GPC6: variants seen among roughly 807,000 people sequenced by gnomAD.
GPC6 encodes the protein glypican-6.
Under a neutral mutation model 55.2 loss-of-function variants are expected in GPC6, and 14 were observed. That is an observed-to-expected ratio of 0.25 (90% CI 0.17 to 0.40). The LOEUF is 0.40. GPC6 is among the 10% of genes least tolerant of loss of function. The pLI, the probability that GPC6 is intolerant of heterozygous loss-of-function variation, is 1.00. For missense variants in GPC6, 641 were observed against 708.5 expected, an observed-to-expected ratio of 0.90 and a Z score of 1.08; for synonymous variants, 278 against 259.6, an observed-to-expected ratio of 1.07 and a Z score of -0.68.
intron 1 of GPC6, among the ~76,000 whole-genome samples, chr13:93,480,767 T>G (rs750979384): frequency 6.6e-6 from 1 of 152,332 alleles, no homozygotes; most frequent in Non-Finnish European, 1.5e-5. Context: ...CTGTAGCACA[T>G]GGAAGAATGC....
chr13:93,422,578 T>C (rs1466959660), intron 1 of GPC6, among the ~76,000 whole-genome samples: 2 of 152,202 alleles, frequency 1.3e-5, no homozygotes, highest in Non-Finnish European at 2.9e-5. Flanking sequence ...TTCAGTCTTT[T>C]TTCTTTGCGT....
At chr13:93,537,806 A>G (rs1296775497) in intron 1 of GPC6, among the ~76,000 whole-genome samples, 1 of 152,150 alleles carries the variant, frequency 6.6e-6, no homozygotes, top group African/African-American at 2.4e-5. Flanking sequence ...CTCACTTCAC[A>G]TAGTTAGTAA....
At chr13:93,726,074 C>T (rs1190317660) in intron 2 of GPC6, among the ~76,000 whole-genome samples, 1 of 148,720 alleles carries the variant, frequency 6.7e-6, no homozygotes, top group Non-Finnish European at 1.5e-5. Context: ...CAAATGCAAT[C>T]AGATGCAAAA....
intron 2 of GPC6, among the ~76,000 whole-genome samples, chr13:93,802,860 ATTG>A (rs1392031032): frequency 1.3e-5 from 2 of 152,150 alleles, no homozygotes; most frequent in Admixed American, 1.3e-4. Flanking sequence ...AAGAAAGCTT[ATTG>A]TTCTGATTTT....
chr13:94,274,443 T>G (rs1185127633), intron 4 of GPC6, among the ~76,000 whole-genome samples: 1 of 152,234 alleles, frequency 6.6e-6, no homozygotes, highest in Non-Finnish European at 1.5e-5. Context: ...TACACTGTTT[T>G]AAATTGCATT....
chr13:93,912,709 C>T (rs545252716), intron 3 of GPC6, among the ~76,000 whole-genome samples: 6 of 152,150 alleles, frequency 3.9e-5, no homozygotes, highest in Non-Finnish European at 5.9e-5. Flanking sequence ...CGCCACTGCA[C>T]TCCAGCCTGG....
At chr13:93,881,685 G>A (rs1012834182) in intron 3 of GPC6, among the ~76,000 whole-genome samples, 1 of 151,838 alleles carries the variant, frequency 6.6e-6, no homozygotes, top group Non-Finnish European at 1.5e-5. Context: ...AATTATCTCT[G>A]TATCCATCCG....
At chr13:94,356,355 G>A (rs892608297) in intron 6 of GPC6, among the ~76,000 whole-genome samples, 1 of 152,166 alleles carries the variant, frequency 6.6e-6, no homozygotes, top group Non-Finnish European at 1.5e-5. Flanking sequence ...CTAGGTCTTT[G>A]AGGAATCACC....
chr13:94,077,851 G>A (rs781301565), intron 4 of GPC6, among the ~76,000 whole-genome samples: 5 of 151,724 alleles, frequency 3.3e-5, no homozygotes, highest in Admixed American at 6.6e-5. Context: ...TCTTTTTAAT[G>A]TGCTATTGAA....
At chr13:93,769,090 T>G (rs1566525776) in intron 2 of GPC6, among the ~76,000 whole-genome samples, 1 of 152,172 alleles carries the variant, frequency 6.6e-6, no homozygotes, top group East Asian at 1.9e-4. Flanking sequence ...CATGGGATTT[T>G]TCATCGGCTC....
At chr13:93,392,515 C>G (rs781399539) in intron 1 of GPC6, among the ~76,000 whole-genome samples, 18 of 152,156 alleles carry the variant, frequency 1.2e-4, no homozygotes, top group Non-Finnish European at 2.5e-4. Context: ...CAGAAATACC[C>G]CAATGCAAGG....
At chr13:93,378,080 T>C (rs1369618750) in intron 1 of GPC6, among the ~76,000 whole-genome samples, 1 of 152,224 alleles carries the variant, frequency 6.6e-6, no homozygotes, top group African/African-American at 2.4e-5. Context: ...TTCTAAGGTA[T>C]TTTAAAAGCC....
At chr13:93,760,688 C>T (rs1034990674) in intron 2 of GPC6, among the ~76,000 whole-genome samples, 5 of 152,150 alleles carry the variant, frequency 3.3e-5, no homozygotes, top group Admixed American at 6.5e-5. Context: ...ATATACATGC[C>T]GAAGTAAATC....
At chr13:93,940,240 CT>C (rs1413664963) in intron 3 of GPC6, among the ~76,000 whole-genome samples, 1 of 152,012 alleles carries the variant, frequency 6.6e-6, no homozygotes, top group Non-Finnish European at 1.5e-5. Flanking sequence ...GAAGCCATTA[CT>C]TTTTTATAAC....
intron 3 of GPC6, among the ~76,000 whole-genome samples, chr13:93,872,339 A>G (rs1173987203): frequency 6.6e-6 from 1 of 151,998 alleles, no homozygotes; most frequent in African/African-American, 2.4e-5. Flanking sequence ...CTGTTTTTAT[A>G]ATTAAGAATA....
chr13:94,266,408 T>C (rs1238417498), intron 4 of GPC6, among the ~76,000 whole-genome samples: 1 of 152,196 alleles, frequency 6.6e-6, no homozygotes, highest in African/African-American at 2.4e-5. Flanking sequence ...GACCTCGTGA[T>C]CCGCCCGCCT....
Position 94,407,766 on chromosome 13 carries a change from A to G in GPC6, c.*4549A>G, listed in dbSNP as rs1881424614. Among the ~76,000 whole-genome samples the G allele has an allele frequency of 6.6e-6, 1 of 152,186 alleles. No homozygotes were observed. Among genetic ancestry groups the G allele is most frequent in the Non-Finnish European group, 1.5e-5 (1 of 68,008 alleles). On this transcript the variant is annotated 3_prime_UTR_variant, in exon 9 of 9. Coordinates refer to ENST00000377047, the MANE Select transcript of GPC6 (RefSeq NM_005708.5). ...ATAATTTCCCAATTTAGCCAATTGC[A>G]TTGATTTTTATACTTCTGAAATGTT... is the stretch of plus-strand genomic sequence containing the variant.
intron 3 of GPC6, among the ~76,000 whole-genome samples, chr13:93,836,489 A>C (rs1380186259): frequency 2.6e-5 from 4 of 152,192 alleles, no homozygotes; most frequent in Admixed American, 6.5e-5. Flanking sequence ...AAAAGGCCTT[A>C]GGTGAATGAA....
intron 2 of GPC6, among the ~76,000 whole-genome samples, chr13:93,629,982 T>G (rs533829179): frequency 6.6e-6 from 1 of 152,318 alleles, no homozygotes; most frequent in African/African-American, 2.4e-5. Context: ...TCAATGATAA[T>G]TGTACCTAAT....
Sources: allele counts gnomAD v4.1 joint callset (sites outside exome capture counted in the v4.1 genomes callset), GRCh38; gene constraint gnomAD v4.1.1; transcripts MANE v1.5; gene names NCBI Gene and HGNC (gene_info 2026-07-23, HGNC 2026-07-21).